The following MEAF6 variants were observed in gnomAD, a reference collection of about 807,000 sequenced individuals.
MEAF6 encodes MYST/Esa1 associated factor 6.
In MEAF6, 15 loss-of-function variants were observed where a neutral mutation model predicts 28.9. The ratio of observed to expected loss-of-function variants is 0.52; its 90% CI spans 0.35 to 0.80. MEAF6 has a LOEUF of 0.80. MEAF6 is among the 30% of genes least tolerant of loss of function. The probability of loss-of-function intolerance (pLI) is 0.01; values close to 1 mark genes in which losing one functional copy is unlikely to be tolerated. For synonymous variants in MEAF6, 97 were observed against 88.7 expected (o/e 1.09, Z -0.53); for missense variants, 178 against 237.5 (o/e 0.75, Z 1.65).
chr1:37,500,790 G>C (rs1642275532), intron 5 of MEAF6: 1 of 152,284 alleles, frequency 6.6e-6, no homozygotes, highest in Admixed American at 6.5e-5. Context: ...CTACAGATTT[G>C]TAAACCAAAT....
intron 4 of MEAF6, 103 bp from the exon 5 acceptor site, chr1:37,502,099 T>A (rs1200126327): frequency 1.1e-6 from 1 of 869,788 alleles, no homozygotes; most frequent in African/African-American, 1.7e-5. Context: ...CCATTCCCTA[T>A]CCTCTAATTG....
Position 37,490,166 on chromosome 1 carries a change from GCCATCCT to G in MEAF6, c.*3926_*3932del, listed in dbSNP as rs1641879630. ...AATCTTTTCTTCCCACCCCCACCCA[GCCATCCT>G]GTGTGCCCTCTTCCCCTTGGAGGCC... is the stretch of plus-strand genomic sequence containing the variant. On this transcript the variant is annotated 3_prime_UTR_variant, in exon 7 of 7. Transcript: ENST00000296214. 7.0e-6 allele frequency among the ~76,000 whole-genome samples: 1 copy of G among 143,856 alleles called. No individual in the cohort carries two copies. Among genetic ancestry groups the G allele is most frequent in the African/African-American group, 2.6e-5 (1 of 38,488 alleles). The allele number at this position is 143,856 out of a possible 152,430, so 94.4% of individuals were successfully genotyped here.
chr1:37,512,179 A>C (rs1642691809), intron 2 of MEAF6, among the ~76,000 whole-genome samples: 1 of 151,668 alleles, frequency 6.6e-6, no homozygotes. Flanking sequence ...TGGTTACATG[A>C]ATCTACACAC....
chr1:37,491,197 G>A lies in MEAF6; in HGVS notation c.*2902C>T, dbSNP rs917299037. The stretch of plus-strand genomic sequence containing the variant: ...TTTAATTATCTTCTTTACTGCACAG[G>A]TCAAGATGTCAAGAATACTCTATAT... On this transcript the variant is annotated 3_prime_UTR_variant, in exon 7 of 7. Coordinates refer to ENST00000296214, the MANE Select transcript of MEAF6 (RefSeq NM_001270875.3). 6.6e-6 allele frequency among the ~76,000 whole-genome samples: 1 copy of A among 151,934 alleles called. No individual in the cohort carries two copies. Among genetic ancestry groups the A allele is most frequent in the Admixed American group, 6.6e-5 (1 of 15,266 alleles).
At chr1:37,513,786 G>C (rs1642743110) in intron 1 of MEAF6, 1 of 568,612 alleles carries the variant, frequency 1.8e-6, no homozygotes, top group Non-Finnish European at 3.1e-6. Context: ...GCGAAATTTT[G>C]CATATACTTT....
At position 37,491,521 on chromosome 1, in the gene MEAF6, C is replaced by G. The variant is rs956047866; in HGVS notation, c.*2578G>C. Among the ~76,000 whole-genome samples the G allele has an allele frequency of 6.6e-6, 1 of 152,124 alleles. No homozygotes were observed. The highest frequency in any genetic ancestry group is 2.4e-5 in the African/African-American group (1 of 41,426). On this transcript the variant is annotated 3_prime_UTR_variant, in exon 7 of 7. Transcript: ENST00000296214. ...CCAGCCTGGGCAACATAGCAAGAAGCCATCATTACAAAATAAAAATGTTTT... is the reference window on the plus strand; with the variant it reads ...CCAGCCTGGGCAACATAGCAAGAAGGCATCATTACAAAATAAAAATGTTTT...
At chr1:37,495,704 CAAAAAAAAAAAA>C (rs1217893546) in intron 6 of MEAF6, among the ~76,000 whole-genome samples, 169 bp downstream of exon 6, 35 of 64,464 alleles carry the variant, frequency 5.4e-4, no homozygotes, top group African/African-American at 8.8e-4. Flanking sequence ...AAACAAAAAA[CAAAAAAAAAAAA>C]AAACAAAAAA....
intron 4 of MEAF6, among the ~76,000 whole-genome samples, chr1:37,504,488 T>C (rs1256143729): frequency 1.3e-5 from 2 of 151,978 alleles, no homozygotes; most frequent in Admixed American, 1.3e-4. Flanking sequence ...ATACATTATC[T>C]GGCCGAGCAC....
At position 37,490,397 on chromosome 1, in the gene MEAF6, G is replaced by T. The variant is rs897254997; in HGVS notation, c.*3702C>A. On this transcript the variant is annotated 3_prime_UTR_variant, in exon 7 of 7. Transcript: ENST00000296214. ...CCAATCCCTTCTTTTCACTATCATT[G>T]TATCTGACACACACATCACCTTCCT... Among the ~76,000 whole-genome samples the T allele has an allele frequency of 3.9e-5, 6 of 152,016 alleles. No individual in the cohort carries two copies. Among genetic ancestry groups the T allele is most frequent in the Non-Finnish European group, 5.9e-5 (4 of 68,028 alleles).
chr1:37,495,704 CAA>C (rs1217893546), intron 6 of MEAF6, among the ~76,000 whole-genome samples, 179 bp downstream of exon 6: 8 of 64,454 alleles, frequency 1.2e-4, no homozygotes, highest in East Asian at 4.1e-4. Flanking sequence ...AAACAAAAAA[CAA>C]AAAAAAAAAA....
chr1:37,500,038 G>A (rs1314079375), intron 5 of MEAF6, among the ~76,000 whole-genome samples: 3 of 152,206 alleles, frequency 2.0e-5, no homozygotes, highest in African/African-American at 7.2e-5. Flanking sequence ...CAGACACCGT[G>A]GCTCATGCCA....
chr1:37,501,809 C>A lies in MEAF6; in HGVS notation c.528G>T (p.Arg176=). The change falls in exon 5 of 7, where the codon CGG becomes CGT. Residue 176 remains arginine (R), a synonymous_variant. Coordinates refer to ENST00000296214, the MANE Select transcript of MEAF6 (RefSeq NM_001270875.3). ...SSHKKRKNKN[R]HRIDLKLNKK... ...GTGGGATCCCTGCCACTGACCTGTG[C>A]CGGTTTTTATTCTTTCGCTTTTTAT... The A allele has an allele frequency of 6.3e-7, 1 of 1,583,584 alleles. No individual in the cohort carries two copies. The highest frequency in any genetic ancestry group is 8.6e-7 in the Non-Finnish European group (1 of 1,158,710).
chr1:37,490,868 T>A lies in MEAF6; in HGVS notation c.*3231A>T, dbSNP rs1338348428. Among the ~76,000 whole-genome samples the A allele has an allele frequency of 2.7e-5, 4 of 150,082 alleles. No individual in the cohort carries two copies. Among genetic ancestry groups the A allele is most frequent in the Non-Finnish European group, 4.4e-5 (3 of 67,548 alleles). On this transcript the variant is annotated 3_prime_UTR_variant, in exon 7 of 7. Transcript: ENST00000296214. ...GGTGAAACCCGGTCTCTATTGAAAA[T>A]AAAAAAAAACTAGCTGGGTGTGGTA...
intron 5 of MEAF6, 119 bp downstream of exon 5, chr1:37,501,685 A>T (rs550341247): frequency 2.0e-6 from 2 of 1,021,736 alleles, no homozygotes; most frequent in Non-Finnish European, 2.7e-6. Context: ...GGACCTAATG[A>T]CTTTCTTGCC....
At chr1:37,496,856 G>C in intron 5 of MEAF6, 3 of 1,068,348 alleles carry the variant, frequency 2.8e-6, no homozygotes, top group Non-Finnish European at 3.8e-6. Flanking sequence ...AGAATCTTAA[G>C]CAACAAAGTA....
At chr1:37,502,081 G>A in intron 4 of MEAF6, 85 bp from the exon 5 acceptor site, 2 of 1,112,260 alleles carry the variant, frequency 1.8e-6, no homozygotes, top group Non-Finnish European at 1.3e-6. Flanking sequence ...CTAATAGGTA[G>A]AAAAAAACCA....
chr1:37,493,399 GT>G lies in MEAF6; in HGVS notation c.*699del, dbSNP rs1229986022. 4.3e-6 allele frequency: 1 copy of G among 231,394 alleles called. No homozygotes were observed. Among genetic ancestry groups the G allele is most frequent in the Non-Finnish European group, 8.3e-6 (1 of 120,534 alleles). 14.3% of individuals were successfully genotyped at this position (231,394 alleles called of 1,614,324 possible). Reference sequence around the variant, plus strand: ...AAACTTATGTTTTTCCATTTTTCCTGTTCCTTGAACATGAATCTACTACCAA... The same window carrying G: ...AAACTTATGTTTTTCCATTTTTCCTGTCCTTGAACATGAATCTACTACCAA... On this transcript the variant is annotated 3_prime_UTR_variant, in exon 7 of 7. Coordinates refer to ENST00000296214, the MANE Select transcript of MEAF6 (RefSeq NM_001270875.3).
Position 37,490,853 on chromosome 1 carries a change from G to A in MEAF6, c.*3246C>T, listed in dbSNP as rs372820373. ...CAGCCTGGCCAATATGGTGAAACCCGGTCTCTATTGAAAATAAAAAAAAAC... is the reference window on the plus strand; with the variant it reads ...CAGCCTGGCCAATATGGTGAAACCCAGTCTCTATTGAAAATAAAAAAAAAC... On this transcript the variant is annotated 3_prime_UTR_variant, in exon 7 of 7. Transcript: ENST00000296214. Among the ~76,000 whole-genome samples, 1 of 150,534 alleles carries A rather than the reference G, an allele frequency of 6.6e-6. No individual in the cohort carries two copies. The highest frequency in any genetic ancestry group is 2.4e-5 in the African/African-American group (1 of 41,174).
intron 4 of MEAF6, among the ~76,000 whole-genome samples, chr1:37,507,501 TC>T (rs1472200118): frequency 7.7e-6 from 1 of 130,492 alleles, no homozygotes; most frequent in Non-Finnish European, 1.7e-5. Flanking sequence ...AAAAGAAAAA[TC>T]AAAAGGACTT....
Sources: gnomAD v4.1 joint callset for allele counts (sites outside exome capture counted in the v4.1 genomes callset) on GRCh38, gnomAD v4.1.1 for gene constraint, MANE v1.5 for transcripts, NCBI Gene and HGNC (gene_info 2026-07-23, HGNC 2026-07-21) for gene names.